RBM27: variants seen among roughly 807,000 people sequenced by gnomAD.
RBM27 encodes the protein RNA binding motif protein 27, also known as RNA-binding protein 27.
In RBM27, 22 loss-of-function variants were observed where a neutral mutation model predicts 135.3. That is an observed-to-expected ratio of 0.16 (90% CI 0.12 to 0.23). The LOEUF is 0.23. RBM27 is among the 10% of genes least tolerant of loss of function. RBM27 has a pLI of 1.00. For missense variants in RBM27, 1,009 were observed against 1,281.0 expected (o/e 0.79, Z 3.24); for synonymous variants, 481 against 442.4 (o/e 1.09, Z -1.10).
chr5:146,222,663 A>G (rs1216209321), intron 2 of RBM27, among the ~76,000 whole-genome samples: 1 of 152,228 alleles, frequency 6.6e-6, no homozygotes, highest in Non-Finnish European at 1.5e-5. Flanking sequence ...CAGCCTGGGC[A>G]ACAGAGCAAG....
intron 7 of RBM27, among the ~76,000 whole-genome samples, chr5:146,235,630 A>G (rs1160787276): frequency 1.3e-5 from 2 of 151,874 alleles, no homozygotes; most frequent in Non-Finnish European, 2.9e-5. Context: ...TGTTTGGCCT[A>G]TAGAAACATG....
At chr5:146,209,302 A>C (rs1231451533) in intron 1 of RBM27, among the ~76,000 whole-genome samples, 1 of 152,216 alleles carries the variant, frequency 6.6e-6, no homozygotes, top group Non-Finnish European at 1.5e-5. Context: ...AGTCTATTAC[A>C]AGACAGACTA....
rs1183899049 is a variant in RBM27, at chr5:146,288,788, C to CT, written c.*2761dup. 6.6e-6 allele frequency: 1 copy of CT among 151,956 alleles called. No individual in the cohort carries two copies. The highest frequency in any genetic ancestry group is 1.5e-5 in the Non-Finnish European group (1 of 67,916). 9.4% of individuals were successfully genotyped at this position (151,956 alleles called of 1,614,324 possible). A position where few individuals can be genotyped will look rare whatever the true frequency, so the allele number is the denominator to read the frequency against. On this transcript the variant is annotated 3_prime_UTR_variant, in exon 21 of 21. Coordinates refer to ENST00000265271, the MANE Select transcript of RBM27 (RefSeq NM_018989.2). Reference sequence around the variant, plus strand: ...AGTATTGCAAAATTTCCCTCAATTTCTTTATGTAACATTGAAGAAATGTTG... The same window carrying CT: ...AGTATTGCAAAATTTCCCTCAATTTCTTTTATGTAACATTGAAGAAATGTTG...
intron 19 of RBM27, among the ~76,000 whole-genome samples, chr5:146,276,206 T>G (rs1759086279): frequency 6.6e-6 from 1 of 152,182 alleles, no homozygotes; most frequent in African/African-American, 2.4e-5. Flanking sequence ...GTGTTTTCTT[T>G]TATTTTTTTG....
At chr5:146,203,859 G>C (rs887748814) in intron 1 of RBM27, 35 bp downstream of exon 1, 5 of 1,531,346 alleles carry the variant, frequency 3.3e-6, no homozygotes, top group Admixed American at 4.0e-5. Context: ...GCCGGCGAAC[G>C]TGGGCGTTGG....
chr5:146,269,188 T>A lies in RBM27; in HGVS notation c.2452-19T>A, dbSNP rs943999689. ...GGCAAATTACATTATCTGTATTAAT[T>A]TCTTTTTTACTTATACAGGAAGCAA... On this transcript the variant is annotated intron_variant, in intron 15 of 20. Transcript: ENST00000265271. The A allele has an allele frequency of 1.3e-6, 2 of 1,557,858 alleles. No individual in the cohort carries two copies. Among genetic ancestry groups the A allele is most frequent in the Non-Finnish European group, 1.8e-6 (2 of 1,137,798 alleles).
chr5:146,268,925 A>C (rs1189718739), intron 15 of RBM27, among the ~76,000 whole-genome samples: 2 of 152,256 alleles, frequency 1.3e-5, no homozygotes, highest in Non-Finnish European at 2.9e-5. Context: ...TTGGCAAGTG[A>C]AAACAACTTT....
chr5:146,264,706 A>G (rs1370454506), intron 14 of RBM27, among the ~76,000 whole-genome samples: 1 of 151,724 alleles, frequency 6.6e-6, no homozygotes. Flanking sequence ...TATCCCAAAA[A>G]TACTATGTAG....
chr5:146,287,704 G>A lies in RBM27; in HGVS notation c.*1674G>A, dbSNP rs1392294861. On this transcript the variant is annotated 3_prime_UTR_variant, in exon 21 of 21. Transcript: ENST00000265271. ...CTTCTACATGTTTTCCTGGAATGATGTGTCAAACCAGGGTCATTTTTAAGT... is the reference window on the plus strand; with the variant it reads ...CTTCTACATGTTTTCCTGGAATGATATGTCAAACCAGGGTCATTTTTAAGT... 1 of 152,104 alleles carries A rather than the reference G, an allele frequency of 6.6e-6. No homozygotes were observed. The highest frequency in any genetic ancestry group is 2.4e-5 in the African/African-American group (1 of 41,420). 9.4% of individuals were successfully genotyped at this position (152,104 alleles called of 1,614,324 possible). A position where few individuals can be genotyped will look rare whatever the true frequency, so the allele number is the denominator to read the frequency against.
At chr5:146,285,666 T>C (rs1285025562) in intron 20 of RBM27, among the ~76,000 whole-genome samples, 2 of 152,138 alleles carry the variant, frequency 1.3e-5, no homozygotes, top group South Asian at 2.1e-4. Context: ...CATAGTCTTT[T>C]TTAAATTTTC....
chr5:146,267,685 A>C lies in RBM27; in HGVS notation c.2368A>C (p.Ser790Arg). 6.2e-7 allele frequency: 1 copy of C among 1,601,196 alleles called. No homozygotes were observed. Among genetic ancestry groups the C allele is most frequent in the Middle Eastern group, 1.7e-4 (1 of 6,028 alleles). ...STPGHPKMIY[S>R]SSNLKTPSKL... ...TCCAGGCCATCCAAAAATGATTTAC[A>C]GCTCCTCAAACTTAAAGACACCTTC... Residue 790 changes from serine to arginine, a missense_variant, in exon 15 of 21, where the codon AGC becomes CGC. Around this residue, in one of 6 missense-constraint regions of RBM27, gnomAD observed 355 missense variants for 427.3 expected, o/e 0.83. Coordinates refer to ENST00000265271, the MANE Select transcript of RBM27 (RefSeq NM_018989.2).
At chr5:146,210,806 G>A (rs1345933025) in intron 1 of RBM27, among the ~76,000 whole-genome samples, 1 of 152,092 alleles carries the variant, frequency 6.6e-6, no homozygotes, top group Non-Finnish European at 1.5e-5. Flanking sequence ...AATTAGCCGG[G>A]CGTGGTGGCG....
In RBM27 at chr5:146,226,595, G is replaced by A. The variant is rs190690382; in HGVS notation, c.304-2351G>A. 4.3e-4 allele frequency among the ~76,000 whole-genome samples: 66 copies of A among 152,050 alleles called. 1 individual carries two copies. Among genetic ancestry groups the A allele is most frequent in the African/African-American group, 1.6e-3 (65 of 41,480 alleles). ...AGAGTTTCACCATGTTGGCCAGGCT[G>A]GTCTTGAACACCTGACCTCAGGTGA... On this transcript the variant is annotated intron_variant, in intron 3 of 20. Transcript: ENST00000265271.
intron 8 of RBM27, among the ~76,000 whole-genome samples, chr5:146,251,136 A>G (rs1757868034): frequency 6.6e-6 from 1 of 152,036 alleles, no homozygotes; most frequent in African/African-American, 2.4e-5. Flanking sequence ...AGAGATAACA[A>G]ATTTTCACTA....
At position 146,239,874 on chromosome 5, in the gene RBM27, C is replaced by T. The variant is rs114927835; in HGVS notation, c.1279+2442C>T. Reference sequence around the variant, plus strand: ...CTCACTGCAGCCTTGATCTTCCAGGCTAAGTGATCCTCCCACCTCAGCCTC... The same window carrying T: ...CTCACTGCAGCCTTGATCTTCCAGGTTAAGTGATCCTCCCACCTCAGCCTC... On this transcript the variant is annotated intron_variant, in intron 8 of 20. Coordinates refer to ENST00000265271, the MANE Select transcript of RBM27 (RefSeq NM_018989.2). Among the ~76,000 whole-genome samples the T allele has an allele frequency of 5.9e-3, 887 of 149,644 alleles. 8 individuals carry two copies. Among genetic ancestry groups the T allele is most frequent in the African/African-American group, 0.021 (836 of 40,660 alleles).
At chr5:146,254,244 C>T (rs1402057206) in intron 9 of RBM27, among the ~76,000 whole-genome samples, 1 of 152,038 alleles carries the variant, frequency 6.6e-6, no homozygotes, top group East Asian at 1.9e-4. Context: ...GGCTGAAGCC[C>T]AGGAGTTCAA....
intron 8 of RBM27, among the ~76,000 whole-genome samples, chr5:146,237,774 G>C (rs1342466172): frequency 1.3e-5 from 2 of 152,130 alleles, no homozygotes; most frequent in African/African-American, 4.8e-5. Flanking sequence ...TGCAACCTCT[G>C]CTTTCCAGGT....
chr5:146,204,103 G>C (rs762483998), intron 1 of RBM27, among the ~76,000 whole-genome samples: 26 of 152,242 alleles, frequency 1.7e-4, no homozygotes, highest in Non-Finnish European at 1.5e-4. Context: ...AGGGGTAGCA[G>C]GGGCCGTGAG....
chr5:146,255,969 C>A (rs943654358), intron 10 of RBM27, among the ~76,000 whole-genome samples: 4 of 151,662 alleles, frequency 2.6e-5, no homozygotes, highest in African/African-American at 7.3e-5. Flanking sequence ...GATTCTCCTG[C>A]CTCTGCCTCC....
Sources: gnomAD v4.1 joint callset for allele counts (sites outside exome capture counted in the v4.1 genomes callset) on GRCh38, gnomAD v4.1.1 for gene constraint, gnomAD v4.1.1 regional missense constraint, MANE v1.5 for transcripts, NCBI Gene and HGNC (gene_info 2026-07-23, HGNC 2026-07-21) for gene names.